Variants in C3orf49 observed in about 807,000 individuals in gnomAD.
C3orf49 encodes chromosome 3 open reading frame 49.
In C3orf49, 27 loss-of-function variants were observed where a neutral mutation model predicts 13.3. The observed-to-expected ratio is 2.02, with a 90% CI of 1.49 to 2.79. The LOEUF is 2.79. C3orf49 is among the 30% of genes most tolerant of loss of function. C3orf49 has a pLI of 0.00. For synonymous variants in C3orf49, 87 were observed against 47.6 expected (o/e 1.83, Z -3.40); for missense variants, 242 against 134.2 (o/e 1.80, Z -3.97).
At chr3:63,783,627 A>G in the C3orf49 span, among the ~76,000 whole-genome samples, 1 of 151,972 alleles carries the variant, frequency 6.6e-6, no homozygotes, top group South Asian at 2.1e-4. Flanking sequence ...CTGAGGCACG[A>G]GAATGGTGTG....
In C3orf49 at chr3:63,836,248, C is replaced by T. The variant is rs564090574; in HGVS notation, c.849+4404C>T. On this transcript the variant is annotated intron_variant, in intron 5 of 6. Transcript: ENST00000295896. The stretch of plus-strand genomic sequence containing the variant: ...AAAATGAAATGCCTACGGTAGTTTT[C>T]GAGCATTTATGTATAAAGGTTAGTT... 8.5e-5 allele frequency: 132 copies of T among 1,546,704 alleles called. No individual in the cohort carries two copies. The East Asian group carries it at 9.1e-4, about 11-fold the overall frequency.
At chr3:63,790,990 C>G in the C3orf49 span, among the ~76,000 whole-genome samples, 1 of 152,142 alleles carries the variant, frequency 6.6e-6, no homozygotes, top group African/African-American at 2.4e-5. Context: ...TGTCCCCACA[C>G]AAGGAAAAGA....
chr3:63,788,781 A>C, the C3orf49 span, among the ~76,000 whole-genome samples: 1 of 151,932 alleles, frequency 6.6e-6, no homozygotes, highest in African/African-American at 2.4e-5. Context: ...AGACTTGCCC[A>C]GGGTCACAAA....
At chr3:63,829,839 CT>C (rs1701510911) in intron 3 of C3orf49, among the ~76,000 whole-genome samples, 1 of 152,018 alleles carries the variant, frequency 6.6e-6, no homozygotes. Flanking sequence ...GTGGTACACA[CT>C]TTTAGTCCCA....
At chr3:63,828,764 C>A (rs748407377) in intron 3 of C3orf49, among the ~76,000 whole-genome samples, 4 of 152,188 alleles carry the variant, frequency 2.6e-5, no homozygotes, top group African/African-American at 9.6e-5. Flanking sequence ...AGCCCTATAA[C>A]GTAGGTAGCA....
intron 5 of C3orf49, chr3:63,833,952 A>T (rs993654657): frequency 7.3e-6 from 4 of 545,444 alleles, no homozygotes; most frequent in Non-Finnish European, 1.2e-5. Flanking sequence ...TAATAAAAAC[A>T]AATCTATACT....
intron 5 of C3orf49, among the ~76,000 whole-genome samples, chr3:63,844,238 A>G (rs1701837608): frequency 6.6e-6 from 1 of 152,194 alleles, no homozygotes. Flanking sequence ...TAGTCAAAAG[A>G]TACATACTTA....
intron 2 of C3orf49, chr3:63,827,383 G>C (rs1246730139): frequency 1.3e-5 from 5 of 381,250 alleles, no homozygotes; most frequent in African/African-American, 2.0e-5. Flanking sequence ...GACTGGGTTG[G>C]TGTCCACTGA....
chr3:63,784,729 A>G, the C3orf49 span: 2 of 152,098 alleles, frequency 1.3e-5, no homozygotes, highest in African/African-American at 4.8e-5. Context: ...TGTGACACAT[A>G]CCTGTAATCT....
At chr3:63,814,182 G>C in the C3orf49 span, among the ~76,000 whole-genome samples, 2 of 152,174 alleles carry the variant, frequency 1.3e-5, no homozygotes, top group South Asian at 2.1e-4. Context: ...GCACTGATGG[G>C]AGATACCTGG....
At chr3:63,803,398 C>T in the C3orf49 span, among the ~76,000 whole-genome samples, 1 of 152,180 alleles carries the variant, frequency 6.6e-6, no homozygotes, top group Admixed American at 6.5e-5. Flanking sequence ...AATCCTCTTG[C>T]TCTCCTCCTT....
the C3orf49 span, among the ~76,000 whole-genome samples, chr3:63,812,017 C>T: frequency 6.6e-6 from 1 of 151,398 alleles, no homozygotes. Context: ...GGAGTGGTAG[C>T]GACTGCGGTA....
the C3orf49 span, among the ~76,000 whole-genome samples, chr3:63,790,967 T>G: frequency 3.6e-3 from 545 of 152,296 alleles, 5 homozygotes; most frequent in African/African-American, 0.012. Context: ...GAGTACACGT[T>G]ATGCCTCAGA....
the C3orf49 span, among the ~76,000 whole-genome samples, chr3:63,786,339 T>G: frequency 6.6e-6 from 1 of 152,202 alleles, no homozygotes; most frequent in Non-Finnish European, 1.5e-5. Flanking sequence ...TTCTATTCTT[T>G]TTCAAGAATA....
chr3:63,833,918 C>A, intron 5 of C3orf49: 1 of 463,162 alleles, frequency 2.2e-6, no homozygotes. Flanking sequence ...TGCTTCCTAC[C>A]ACTTAAGAAT....
intron 2 of C3orf49, among the ~76,000 whole-genome samples, chr3:63,824,846 A>AG (rs1252107823): frequency 6.6e-6 from 1 of 151,318 alleles, no homozygotes; most frequent in Non-Finnish European, 1.5e-5. Context: ...CAAAAAAAAA[A>AG]AAAAAAAAGA....
At chr3:63,793,923 A>G in the C3orf49 span, among the ~76,000 whole-genome samples, 32 of 152,232 alleles carry the variant, frequency 2.1e-4, no homozygotes, top group Non-Finnish European at 4.0e-4. Flanking sequence ...ACTGAGGCCA[A>G]ACAGGACAAT....
chr3:63,821,004 T>C (rs904418622), intron 1 of C3orf49, among the ~76,000 whole-genome samples: 2 of 152,214 alleles, frequency 1.3e-5, no homozygotes, highest in African/African-American at 2.4e-5. Flanking sequence ...TTCCCCACTG[T>C]TCTGATCCAC....
At chr3:63,847,742 A>G (rs1425717896) in intron 6 of C3orf49, among the ~76,000 whole-genome samples, 1 of 152,216 alleles carries the variant, frequency 6.6e-6, no homozygotes, top group Non-Finnish European at 1.5e-5. Context: ...GTCTCAAAAA[A>G]CAAACAAAAA....
Sources: allele counts gnomAD v4.1 joint callset (sites outside exome capture counted in the v4.1 genomes callset), GRCh38; gene constraint gnomAD v4.1.1; transcripts MANE v1.5; gene names NCBI Gene and HGNC (gene_info 2026-07-23, HGNC 2026-07-21).